The following KIFAP3 variants were observed in gnomAD, a reference collection of about 807,000 sequenced individuals.
KIFAP3 encodes the protein kinesin-associated protein 3.
In KIFAP3, 68 loss-of-function variants were observed where a neutral mutation model predicts 106.5. The ratio of observed to expected loss-of-function variants is 0.64; its 90% CI spans 0.53 to 0.78. The LOEUF (loss-of-function observed/expected upper bound fraction) is 0.78, where lower values mean the gene tolerates loss of function less well. Ranked by LOEUF, KIFAP3 falls within the 30% of genes least tolerant of loss-of-function variation. The pLI is 0.00. For synonymous variants in KIFAP3, 320 were observed against 311.5 expected, an observed-to-expected ratio of 1.03 and a Z score of -0.29; for missense variants, 780 against 941.8, an observed-to-expected ratio of 0.83 and a Z score of 2.25.
chr1:169,979,100 TA>T (rs958417090), intron 15 of KIFAP3, among the ~76,000 whole-genome samples: 1 of 152,138 alleles, frequency 6.6e-6, no homozygotes, highest in Admixed American at 6.6e-5. Context: ...CAAAACATAG[TA>T]AAACACTCTG....
At chr1:169,982,633 T>C (rs960885109) in intron 14 of KIFAP3, 69 bp downstream of exon 14, 15 of 1,071,888 alleles carry the variant, frequency 1.4e-5, no homozygotes, top group African/African-American at 3.2e-5. Context: ...AATACTGCTC[T>C]AGCAGCCTTA....
intron 17 of KIFAP3, among the ~76,000 whole-genome samples, chr1:169,963,379 G>T (rs879921429): frequency 6.6e-6 from 1 of 152,146 alleles, no homozygotes; most frequent in Non-Finnish European, 1.5e-5. Context: ...TTGATTACAC[G>T]TCTTTGCTTA....
At chr1:170,018,717 T>G (rs1191596654) in intron 9 of KIFAP3, among the ~76,000 whole-genome samples, 2 of 152,076 alleles carry the variant, frequency 1.3e-5, no homozygotes, top group Admixed American at 6.6e-5. Flanking sequence ...TTCACTGACC[T>G]CATAAAAATC....
rs1666591390 is a variant in KIFAP3 at position 169,982,705 on chromosome 1, G to T, written c.1669C>A (p.Pro557Thr). The T allele has an allele frequency of 1.3e-6, 2 of 1,568,182 alleles. No individual in the cohort carries two copies. Among genetic ancestry groups the T allele is most frequent in the South Asian group, 1.2e-5 (1 of 83,852 alleles). The change falls in exon 14 of 20, where the codon CCA becomes ACA. Residue 557 changes from proline (P) to threonine (T), a missense_variant. Coordinates refer to ENST00000361580, the MANE Select transcript of KIFAP3 (RefSeq NM_014970.4). ...AAGTGAAATACTTAGCACAAACCTGGTTTTAGTTTATCCTTGAGGTATGGA... is the reference window on the plus strand; with the variant it reads ...AAGTGAAATACTTAGCACAAACCTGTTTTTAGTTTATCCTTGAGGTATGGA... Reference protein sequence around the residue: ...LVPYLKDKLKPGAAEDDLVLE... With the variant: ...LVPYLKDKLKTGAAEDDLVLE...
intron 19 of KIFAP3, among the ~76,000 whole-genome samples, chr1:169,952,515 A>T (rs1299537570): frequency 1.3e-5 from 2 of 152,074 alleles, no homozygotes; most frequent in Non-Finnish European, 2.9e-5. Flanking sequence ...GTATGCATTA[A>T]GTTCAAATAT....
chr1:170,024,284 G>A (rs1410943003), intron 9 of KIFAP3, 134 bp downstream of exon 9: 1 of 523,824 alleles, frequency 1.9e-6, no homozygotes, highest in Non-Finnish European at 3.3e-6. Context: ...AGCAATATCA[G>A]TGAGTTATTG....
rs148797507 is a variant in KIFAP3, at chr1:169,955,375, T to C, written c.2174-1265A>G. Among the ~76,000 whole-genome samples, 314 of 152,262 alleles carry C rather than the reference T, an allele frequency of 2.1e-3. 1 individual carries two copies. Among genetic ancestry groups the C allele is most frequent in the Non-Finnish European group, 2.1e-3 (140 of 68,004 alleles). On this transcript the variant is annotated intron_variant, in intron 18 of 19. Transcript: ENST00000361580. ...ACTTAAGATGCAATTAAAAATGTAATTTATAATAAATGATATACAGAAGGA... is the reference window on the plus strand; with the variant it reads ...ACTTAAGATGCAATTAAAAATGTAACTTATAATAAATGATATACAGAAGGA...
intron 14 of KIFAP3, among the ~76,000 whole-genome samples, 173 bp downstream of exon 14, chr1:169,982,529 G>A (rs1379767373): frequency 2.0e-5 from 3 of 152,068 alleles, no homozygotes; most frequent in Non-Finnish European, 4.4e-5. Context: ...AGGAAAAAGA[G>A]AACATATATG....
intron 1 of KIFAP3, among the ~76,000 whole-genome samples, chr1:170,060,350 G>A (rs557905120): frequency 2.7e-4 from 41 of 152,104 alleles, no homozygotes; most frequent in African/African-American, 6.3e-4. Flanking sequence ...AATCACAGGC[G>A]TTCCTATACA....
intron 10 of KIFAP3, among the ~76,000 whole-genome samples, chr1:170,006,138 G>C (rs538158565): frequency 1.4e-4 from 21 of 152,228 alleles, no homozygotes; most frequent in African/African-American, 5.1e-4. Flanking sequence ...AAGACGAAAG[G>C]TTCAGTGAAG....
intron 10 of KIFAP3, among the ~76,000 whole-genome samples, chr1:169,999,047 A>G (rs983866475): frequency 3.3e-5 from 5 of 152,226 alleles, no homozygotes; most frequent in Non-Finnish European, 7.3e-5. Context: ...CCAACATTTA[A>G]TATTACGACT....
intron 11 of KIFAP3, among the ~76,000 whole-genome samples, chr1:169,990,703 C>G (rs1049610151): frequency 6.6e-6 from 1 of 151,890 alleles, no homozygotes; most frequent in African/African-American, 2.4e-5. Flanking sequence ...AATCTCTACC[C>G]TTATAACATA....
intron 9 of KIFAP3, among the ~76,000 whole-genome samples, chr1:170,019,518 T>C (rs1340379598): frequency 6.6e-6 from 1 of 152,074 alleles, no homozygotes. Context: ...CTGGTAAACA[T>C]TCAAAAGTCA....
At chr1:169,976,146 C>A (rs1258670256) in intron 16 of KIFAP3, among the ~76,000 whole-genome samples, 1 of 152,140 alleles carries the variant, frequency 6.6e-6, no homozygotes, top group African/African-American at 2.4e-5. Context: ...CTGGTAGGTA[C>A]TTTAAATACT....
chr1:169,962,100 T>C (rs550230735), intron 17 of KIFAP3, among the ~76,000 whole-genome samples: 1 of 152,314 alleles, frequency 6.6e-6, no homozygotes, highest in Admixed American at 6.5e-5. Context: ...AAGTATTGTT[T>C]TAGCTGCTAA....
At chr1:170,002,139 C>A (rs1357915332) in intron 10 of KIFAP3, among the ~76,000 whole-genome samples, 1 of 152,082 alleles carries the variant, frequency 6.6e-6, no homozygotes, top group African/African-American at 2.4e-5. Flanking sequence ...TTGTCTAAAC[C>A]GGAAGAAATC....
At chr1:170,083,814 G>A (rs1672056718) in intron 1 of KIFAP3, among the ~76,000 whole-genome samples, 2 of 152,046 alleles carry the variant, frequency 1.3e-5, no homozygotes, top group African/African-American at 4.8e-5. Flanking sequence ...AGAAAAATTG[G>A]GGGAAATACC....
rs766424831 is a variant in KIFAP3 at position 170,041,742 on chromosome 1, T to C, written c.320-2454A>G. 5.5e-5 allele frequency: 84 copies of C among 1,534,956 alleles called. 1 individual carries two copies. The South Asian group carries it at 9.9e-4, about 18-fold the overall frequency. On this transcript the variant is annotated intron_variant, in intron 3 of 19. Coordinates refer to ENST00000361580, the MANE Select transcript of KIFAP3 (RefSeq NM_014970.4). ...ATCTGAAAGACTTCTCCGGTAAGTGTTGCCAAGGGCAATCGACATCCCTTT... is the reference window on the plus strand; with the variant it reads ...ATCTGAAAGACTTCTCCGGTAAGTGCTGCCAAGGGCAATCGACATCCCTTT...
chr1:170,000,148 C>T (rs751001278), intron 10 of KIFAP3, among the ~76,000 whole-genome samples: 7 of 152,038 alleles, frequency 4.6e-5, no homozygotes, highest in African/African-American at 7.2e-5. Context: ...AGCAGAAATA[C>T]GAGTTCTGAA....
Sources: gnomAD v4.1 joint callset for allele counts (sites outside exome capture counted in the v4.1 genomes callset) on GRCh38, gnomAD v4.1.1 for gene constraint, MANE v1.5 for transcripts, NCBI Gene and HGNC (gene_info 2026-07-23, HGNC 2026-07-21) for gene names.